The following TCEANC2 variants were observed in gnomAD, a reference collection of about 807,000 sequenced individuals.
TCEANC2 encodes transcription elongation factor A N-terminal and central domain containing 2, also known as transcription elongation factor A N-terminal and central domain-containing protein 2.
Under a neutral mutation model 22.8 loss-of-function variants are expected in TCEANC2, and 20 were observed. That is an observed-to-expected ratio of 0.88 (90% CI 0.62 to 1.28). TCEANC2 has a LOEUF of 1.28. TCEANC2 is among the 50% of genes most tolerant of loss of function. The pLI is 0.00. For missense variants in TCEANC2, 251 were observed against 249.7 expected (o/e 1.01, Z -0.03); for synonymous variants, 84 against 95.5 (o/e 0.88, Z 0.70).
chr1:54,067,297 A>G (rs1657974779), intron 2 of TCEANC2, among the ~76,000 whole-genome samples: 1 of 152,182 alleles, frequency 6.6e-6, no homozygotes, highest in South Asian at 2.1e-4. Flanking sequence ...ACTTGGAAGG[A>G]CACTGGGATC....
chr1:54,058,516 A>G (rs1337859480), intron 2 of TCEANC2, among the ~76,000 whole-genome samples: 1 of 152,194 alleles, frequency 6.6e-6, no homozygotes, highest in Non-Finnish European at 1.5e-5. Flanking sequence ...ATTTTTCTGA[A>G]TGACCAAATG....
At chr1:54,095,833 C>G (rs1489942753) in intron 4 of TCEANC2, among the ~76,000 whole-genome samples, 1 of 152,086 alleles carries the variant, frequency 6.6e-6, no homozygotes, top group Non-Finnish European at 1.5e-5. Flanking sequence ...GAGTTATGAG[C>G]ATTAAATGTG....
chr1:54,062,241 C>T (rs1286813786), intron 2 of TCEANC2, among the ~76,000 whole-genome samples: 1 of 152,200 alleles, frequency 6.6e-6, no homozygotes, highest in Non-Finnish European at 1.5e-5. Context: ...TTGGAAAGCA[C>T]ATCTTCTTTC....
intron 3 of TCEANC2, among the ~76,000 whole-genome samples, chr1:54,084,407 T>G (rs1658299974): frequency 6.6e-6 from 1 of 152,208 alleles, no homozygotes; most frequent in Admixed American, 6.5e-5. Context: ...TTGTAGGTTG[T>G]TCCTAGCTTT....
chr1:54,074,866 A>G (rs540968636), intron 3 of TCEANC2, among the ~76,000 whole-genome samples: 17 of 152,360 alleles, frequency 1.1e-4, no homozygotes, highest in African/African-American at 3.8e-4. Flanking sequence ...TGGTATTGAA[A>G]GAAAAGAGAG....
At chr1:54,063,898 G>T (rs1240703980) in intron 2 of TCEANC2, among the ~76,000 whole-genome samples, 2 of 152,160 alleles carry the variant, frequency 1.3e-5, no homozygotes, top group East Asian at 3.8e-4. Context: ...TTTGACCTAT[G>T]GTTGGTTGAA....
At position 54,100,817 on chromosome 1, in the gene TCEANC2, G is replaced by A. The variant is rs1041656143; in HGVS notation, c.*4344G>A. ...TACCATGGGAAGTTTTTGAGGAGGT[G>A]AGGGACCTAATCAGATGTGTGTTTT... On this transcript the variant is annotated 3_prime_UTR_variant, in exon 5 of 5. Coordinates refer to ENST00000234827, the MANE Select transcript of TCEANC2 (RefSeq NM_153035.3). The A allele has an allele frequency of 3.3e-5, 5 of 152,190 alleles. No homozygotes were observed. Among genetic ancestry groups the A allele is most frequent in the African/African-American group, 1.2e-4 (5 of 41,450 alleles). 9.4% of individuals were successfully genotyped at this position (152,190 alleles called of 1,614,324 possible).
At chr1:54,107,544 T>C (rs1411490570), downstream of TCEANC2, among the ~76,000 whole-genome samples, 2 of 151,978 alleles carry the variant, frequency 1.3e-5, no homozygotes, top group Admixed American at 1.3e-4. Flanking sequence ...TCCTGGAGAG[T>C]GGAGTATCTA....
chr1:54,059,760 T>A (rs1225763422), intron 2 of TCEANC2, among the ~76,000 whole-genome samples: 1 of 152,226 alleles, frequency 6.6e-6, no homozygotes, highest in Non-Finnish European at 1.5e-5. Flanking sequence ...ACACAGTGCC[T>A]GCTACACTGT....
chr1:54,068,640 G>C, intron 2 of TCEANC2, 116 bp from the exon 3 acceptor site: 1 of 1,066,684 alleles, frequency 9.4e-7, no homozygotes, highest in Non-Finnish European at 1.3e-6. Context: ...ACTGTACTTT[G>C]GTTCAGGTCA....
intron 3 of TCEANC2, among the ~76,000 whole-genome samples, chr1:54,082,861 T>G (rs972718474): frequency 1.3e-5 from 2 of 152,066 alleles, no homozygotes. Context: ...ATGATCAAAT[T>G]GTGTTTGAAA....
At chr1:54,091,628 T>G (rs1212960584) in intron 4 of TCEANC2, among the ~76,000 whole-genome samples, 1 of 152,236 alleles carries the variant, frequency 6.6e-6, no homozygotes, top group South Asian at 2.1e-4. Context: ...CTACAGATCT[T>G]GCTTTCTAGA....
In TCEANC2 at chr1:54,104,887, G is replaced by T. The variant is rs962313174; in HGVS notation, c.*8414G>T. ...ATAATTATACAAGTGCCCAGACCGTGACCTGAGCAGGATATGCTGACTTCA... is the reference window on the plus strand; with the variant it reads ...ATAATTATACAAGTGCCCAGACCGTTACCTGAGCAGGATATGCTGACTTCA... On this transcript the variant is annotated 3_prime_UTR_variant, in exon 5 of 5. Transcript: ENST00000234827. 2 of 297,526 alleles carry T rather than the reference G, an allele frequency of 6.7e-6. No homozygotes were observed. Among genetic ancestry groups the T allele is most frequent in the African/African-American group, 4.4e-5 (2 of 45,678 alleles). 18.4% of individuals were successfully genotyped at this position (297,526 alleles called of 1,614,324 possible).
chr1:54,077,044 T>C (rs1341651636), intron 3 of TCEANC2, among the ~76,000 whole-genome samples: 1 of 151,950 alleles, frequency 6.6e-6, no homozygotes, highest in African/African-American at 2.4e-5. Flanking sequence ...GCTGTAAACA[T>C]TGAGGTGAGA....
At chr1:54,057,860 C>T (rs140177668) in intron 2 of TCEANC2, among the ~76,000 whole-genome samples, 37 of 152,280 alleles carry the variant, frequency 2.4e-4, no homozygotes, top group Non-Finnish European at 4.4e-4. Flanking sequence ...TCACAATTCC[C>T]CAAAGATGTT....
rs1658569202 is a variant in TCEANC2 at position 54,096,913 on chromosome 1, C to T, written c.*440C>T. ...CCCCTGAGTTTAGATAGCTCTGGTG[C>T]CTCTCAGAACTCCCCTGTCTGTTCT... is the stretch of plus-strand genomic sequence containing the variant. On this transcript the variant is annotated 3_prime_UTR_variant, in exon 5 of 5. Transcript: ENST00000234827. The surrounding 1 kb of genome is among the most constrained non-coding windows in gnomAD (Gnocchi z 4.9). 4 of 987,944 alleles carry T rather than the reference C, an allele frequency of 4.0e-6. No homozygotes were observed. The highest frequency in any genetic ancestry group is 4.8e-6 in the Non-Finnish European group (4 of 831,306). 61.2% of individuals were successfully genotyped at this position (987,944 alleles called of 1,614,324 possible).
Position 54,098,183 on chromosome 1 carries a change from A to G in TCEANC2, c.*1710A>G, listed in dbSNP as rs1309691832. On this transcript the variant is annotated 3_prime_UTR_variant, in exon 5 of 5. Transcript: ENST00000234827. Reference sequence around the variant, plus strand: ...ATGCCCCATAGACATCTCAGATATAACATGTCTTCTTTCCATTGGCAGTAC... The same window carrying G: ...ATGCCCCATAGACATCTCAGATATAGCATGTCTTCTTTCCATTGGCAGTAC... 1.3e-5 allele frequency: 2 copies of G among 152,314 alleles called. No individual in the cohort carries two copies. Among genetic ancestry groups the G allele is most frequent in the African/African-American group, 4.8e-5 (2 of 41,438 alleles). 9.4% of individuals were successfully genotyped at this position (152,314 alleles called of 1,614,324 possible). A position where few individuals can be genotyped will look rare whatever the true frequency, so the allele number is the denominator to read the frequency against.
intron 2 of TCEANC2, among the ~76,000 whole-genome samples, chr1:54,057,332 C>G (rs1657770511): frequency 6.8e-6 from 1 of 148,046 alleles, no homozygotes; most frequent in African/African-American, 2.5e-5. Flanking sequence ...AGGCACATGC[C>G]ACCACACCTG....
chr1:54,087,734 C>T (rs1019069535), intron 3 of TCEANC2, among the ~76,000 whole-genome samples: 3 of 152,212 alleles, frequency 2.0e-5, no homozygotes, highest in Admixed American at 6.5e-5. Context: ...GTCCCTAACC[C>T]TAGCCCCTTT....
Sources: gnomAD v4.1 joint callset for allele counts (sites outside exome capture counted in the v4.1 genomes callset) on GRCh38, gnomAD v4.1.1 for gene constraint, Gnocchi (gnomAD v3.1) non-coding constraint, MANE v1.5 for transcripts, NCBI Gene and HGNC (gene_info 2026-07-23, HGNC 2026-07-21) for gene names.